CCSER1: variants seen among roughly 807,000 people sequenced by gnomAD.
CCSER1 encodes the protein coiled-coil serine rich protein 1, also known as serine-rich coiled-coil domain-containing protein 1.
CCSER1 carries 41 observed loss-of-function variants against 82.0 expected under a neutral mutation model. That is an observed-to-expected ratio of 0.50 (90% CI 0.39 to 0.65). The LOEUF is 0.65. Ranked by LOEUF, CCSER1 falls within the 30% of genes least tolerant of loss-of-function variation. CCSER1 has a pLI of 0.00. For missense variants in CCSER1, 1,119 were observed against 1,064.2 expected (o/e 1.05, Z -0.72); for synonymous variants, 414 against 383.9 (o/e 1.08, Z -0.92).
At chr4:91,396,679 C>A (rs1459261431) in intron 10 of CCSER1, among the ~76,000 whole-genome samples, 1 of 152,008 alleles carries the variant, frequency 6.6e-6, no homozygotes, top group Non-Finnish European at 1.5e-5. Context: ...TTTAAGTGAT[C>A]ATTTACTGAT....
chr4:90,432,269 C>A (rs1172338343), intron 4 of CCSER1, among the ~76,000 whole-genome samples: 1 of 151,998 alleles, frequency 6.6e-6, no homozygotes, highest in Non-Finnish European at 1.5e-5. Context: ...AAAAAATTTG[C>A]TATTTGTTGT....
At chr4:91,071,381 G>A (rs1721417472) in intron 9 of CCSER1, among the ~76,000 whole-genome samples, 3 of 152,260 alleles carry the variant, frequency 2.0e-5, no homozygotes, top group African/African-American at 7.2e-5. Context: ...TCATTGAGAA[G>A]GTGAGATACA....
chr4:90,398,746 A>G (rs1395521973), intron 3 of CCSER1, among the ~76,000 whole-genome samples: 3 of 152,148 alleles, frequency 2.0e-5, no homozygotes, highest in Admixed American at 6.5e-5. Flanking sequence ...AGTTTAAGTT[A>G]TTCATTACCT....
At chr4:90,579,965 A>G (rs1781248069) in intron 5 of CCSER1, among the ~76,000 whole-genome samples, 2 of 152,148 alleles carry the variant, frequency 1.3e-5, no homozygotes, top group African/African-American at 4.8e-5. Context: ...AGCAAAATCC[A>G]TACTTAATAG....
At chr4:91,129,593 A>AT (rs1727823116) in intron 10 of CCSER1, among the ~76,000 whole-genome samples, 1 of 152,178 alleles carries the variant, frequency 6.6e-6, no homozygotes, top group African/African-American at 2.4e-5. Flanking sequence ...TGGGACCAAA[A>AT]TAAGAATGTC....
At chr4:91,573,926 A>G (rs1249164119) in intron 10 of CCSER1, among the ~76,000 whole-genome samples, 1 of 152,186 alleles carries the variant, frequency 6.6e-6, no homozygotes, top group African/African-American at 2.4e-5. Flanking sequence ...ATCAAAACGA[A>G]TAAAATACTT....
chr4:91,298,414 C>T (rs2149233610), intron 10 of CCSER1, among the ~76,000 whole-genome samples: 1 of 152,084 alleles, frequency 6.6e-6, no homozygotes, highest in Admixed American at 6.6e-5. Context: ...ATGTGTCAGC[C>T]ACCATTCCTG....
intron 1 of CCSER1, among the ~76,000 whole-genome samples, chr4:90,142,551 A>G (rs1724987490): frequency 6.6e-6 from 1 of 152,184 alleles, no homozygotes; most frequent in Non-Finnish European, 1.5e-5. Context: ...CCAAATAACT[A>G]CAGCTGAATG....
At chr4:91,297,277 C>G (rs185626651) in intron 10 of CCSER1, among the ~76,000 whole-genome samples, 226 of 151,672 alleles carry the variant, frequency 1.5e-3, no homozygotes, top group Non-Finnish European at 1.7e-3. Flanking sequence ...GCTGCAGAAA[C>G]AGCAAGAGCA....
At chr4:90,163,630 G>C (rs1729902345) in intron 1 of CCSER1, among the ~76,000 whole-genome samples, 2 of 152,026 alleles carry the variant, frequency 1.3e-5, no homozygotes, top group African/African-American at 4.8e-5. Context: ...TCACAACAAT[G>C]ACAAGAGGTA....
chr4:91,320,100 G>A (rs955449618), intron 10 of CCSER1, among the ~76,000 whole-genome samples: 8 of 151,944 alleles, frequency 5.3e-5, no homozygotes, highest in Non-Finnish European at 7.4e-5. Context: ...AGCTGTCTCT[G>A]TATCACAGTG....
chr4:91,074,810 T>A (rs975417758), intron 9 of CCSER1, among the ~76,000 whole-genome samples: 1 of 152,212 alleles, frequency 6.6e-6, no homozygotes, highest in Non-Finnish European at 1.5e-5. Context: ...TAAAAATTAT[T>A]ATTTTATTCA....
chr4:90,329,832 C>T (rs955767839), intron 3 of CCSER1, among the ~76,000 whole-genome samples: 4 of 152,078 alleles, frequency 2.6e-5, no homozygotes, highest in Admixed American at 2.6e-4. Context: ...TGGCTATTTA[C>T]AGAGAAATTT....
At chr4:91,289,225 G>A (rs1214510116) in intron 10 of CCSER1, among the ~76,000 whole-genome samples, 1 of 151,902 alleles carries the variant, frequency 6.6e-6, no homozygotes, top group African/African-American at 2.4e-5. Flanking sequence ...AGGCTTCATA[G>A]AAGGAAAAGC....
intron 9 of CCSER1, among the ~76,000 whole-genome samples, chr4:91,020,593 C>T (rs1002479186): frequency 2.0e-5 from 3 of 151,848 alleles, no homozygotes; most frequent in African/African-American, 4.8e-5. Context: ...ACCCAGAAGG[C>T]GGGGCTTGCA....
intron 10 of CCSER1, among the ~76,000 whole-genome samples, chr4:91,110,405 A>C (rs1412647300): frequency 2.0e-5 from 3 of 152,022 alleles, no homozygotes; most frequent in Non-Finnish European, 2.9e-5. Context: ...AAAAATACTC[A>C]CTAGGAAAGT....
At chr4:90,582,043 T>A (rs558631927) in intron 5 of CCSER1, among the ~76,000 whole-genome samples, 1 of 152,116 alleles carries the variant, frequency 6.6e-6, no homozygotes, top group African/African-American at 2.4e-5. Context: ...ATCCCATTTC[T>A]GCATTTCTTG....
intron 5 of CCSER1, among the ~76,000 whole-genome samples, chr4:90,583,149 C>T (rs982829780): frequency 6.6e-6 from 1 of 152,130 alleles, no homozygotes; most frequent in African/African-American, 2.4e-5. Flanking sequence ...CATTATTTCA[C>T]ATTTTAAAAA....
chr4:90,558,790 T>C (rs1778405350), intron 5 of CCSER1, among the ~76,000 whole-genome samples: 1 of 152,266 alleles, frequency 6.6e-6, no homozygotes, highest in East Asian at 1.9e-4. Context: ...GTATATTTTT[T>C]AGGGAAGGGG....
Sources: gnomAD v4.1 joint callset for allele counts (sites outside exome capture counted in the v4.1 genomes callset) on GRCh38, gnomAD v4.1.1 for gene constraint, MANE v1.5 for transcripts, NCBI Gene and HGNC (gene_info 2026-07-23, HGNC 2026-07-21) for gene names.